CEMIP: variants seen among roughly 807,000 people sequenced by gnomAD.
The protein encoded by CEMIP is cell migration-inducing and hyaluronan-binding protein.
A neutral mutation model predicts 156.9 loss-of-function variants in CEMIP; 105 were observed. The observed-to-expected ratio is 0.67, with a 90% confidence interval of 0.57 to 0.79. The LOEUF (loss-of-function observed/expected upper bound fraction) is 0.79, where lower values mean the gene tolerates loss of function less well. Ranked by LOEUF, CEMIP falls within the 30% of genes least tolerant of loss-of-function variation. CEMIP has a pLI of 0.00. For missense variants in CEMIP, 1,457 were observed against 1,769.4 expected (o/e 0.82, Z 3.17); for synonymous variants, 676 against 668.4 (o/e 1.01, Z -0.17).
chr15:80,799,540 T>C (rs1193456425), intron 1 of CEMIP, among the ~76,000 whole-genome samples: 2 of 152,332 alleles, frequency 1.3e-5, no homozygotes, highest in East Asian at 3.9e-4. Context: ...GGAATAGAAC[T>C]ACCCTGCACA....
At chr15:80,810,488 CT>C (rs1896636574) in intron 1 of CEMIP, among the ~76,000 whole-genome samples, 1 of 152,226 alleles carries the variant, frequency 6.6e-6, no homozygotes, top group African/African-American at 2.4e-5. Context: ...TTGCCTTAGC[CT>C]CCCGAGTAGC....
chr15:80,813,841 G>A (rs1326149282), intron 1 of CEMIP, among the ~76,000 whole-genome samples: 2 of 152,068 alleles, frequency 1.3e-5, no homozygotes, highest in African/African-American at 4.8e-5. Flanking sequence ...ATCAATTACT[G>A]CTATCTTTCT....
rs773031976 is a variant in CEMIP, at chr15:80,942,323, T to G, written c.3685T>G (p.Phe1229Val). Residue 1229 changes from phenylalanine to valine, a missense_variant, in exon 27 of 30, where the codon TTC (phenylalanine) becomes GTC (valine). Phe to Val is a conservative substitution (Grantham distance 50). This residue lies in a region of CEMIP where 798 missense variants were observed against 980.1 expected (regional missense o/e 0.81). Coordinates refer to ENST00000394685, the MANE Select transcript of CEMIP (RefSeq NM_001293298.2). Reference protein sequence around the residue: ...KQHFFHLWNDFAYIEVDGKKY... With the variant: ...KQHFFHLWNDVAYIEVDGKKY... ...GCACTTCTTCCACCTCTGGAACGAC[T>G]TCGCTTACATTGAAGTAAGTGCCTC... 6.2e-7 allele frequency: 1 copy of G among 1,613,982 alleles called. No individual in the cohort carries two copies. Among genetic ancestry groups the G allele is most frequent in the Non-Finnish European group, 8.5e-7 (1 of 1,179,804 alleles).
intron 1 of CEMIP, among the ~76,000 whole-genome samples, chr15:80,838,217 C>T (rs1897308674): frequency 6.6e-6 from 1 of 152,130 alleles, no homozygotes; most frequent in South Asian, 2.1e-4. Flanking sequence ...ACGAGTCATT[C>T]ATAGGGACTC....
At chr15:80,857,220 C>T (rs913667833) in intron 1 of CEMIP, among the ~76,000 whole-genome samples, 7 of 152,302 alleles carry the variant, frequency 4.6e-5, no homozygotes, top group South Asian at 2.1e-4. Flanking sequence ...AACAGGAGCC[C>T]GGGAGGAAGG....
At chr15:80,845,848 G>A (rs1431870541) in intron 1 of CEMIP, among the ~76,000 whole-genome samples, 1 of 152,150 alleles carries the variant, frequency 6.6e-6, no homozygotes, top group African/African-American at 2.4e-5. Flanking sequence ...GGAGTGTCAC[G>A]AAAAGACACA....
chr15:80,945,644 G>A (rs74861765), intron 28 of CEMIP, among the ~76,000 whole-genome samples: 2,487 of 152,194 alleles, frequency 0.016, 70 homozygotes, highest in African/African-American at 0.054. Context: ...GATCTTTCCC[G>A]CTGTTCCCAG....
Position 80,929,095 on chromosome 15 carries a change from G to A in CEMIP, c.2533G>A (p.Val845Met), listed in dbSNP as rs1381076537. ...CTTGTTTGTTGGCGAGAGTGGCAACGTGGGGACGGAAATGATGGACAATAG... is the reference window on the plus strand; with the variant it reads ...CTTGTTTGTTGGCGAGAGTGGCAACATGGGGACGGAAATGATGGACAATAG... ...NSLFVGESGNVGTEMMDNRIW... is the reference protein window; with the variant it reads ...NSLFVGESGNMGTEMMDNRIW... Residue 845 changes from valine (V) to methionine (M), a missense_variant, in exon 21 of 30, where the codon GTG becomes ATG. Coordinates refer to ENST00000394685, the MANE Select transcript of CEMIP (RefSeq NM_001293298.2). 6.2e-6 allele frequency: 10 copies of A among 1,614,092 alleles called. No homozygotes were observed. Among genetic ancestry groups the A allele is most frequent in the Admixed American group, 3.3e-5 (2 of 59,996 alleles).
At chr15:80,800,019 T>TTGTGTGTGTGTG (rs1428935403) in intron 1 of CEMIP, among the ~76,000 whole-genome samples, 1 of 55,146 alleles carries the variant, frequency 1.8e-5, no homozygotes, top group African/African-American at 8.3e-5. Flanking sequence ...CCAGCTAATT[T>TTGTGTGTGTGTG]TATGTGTGTG....
intron 12 of CEMIP, among the ~76,000 whole-genome samples, chr15:80,896,639 T>C (rs899610748): frequency 3.9e-5 from 6 of 152,240 alleles, no homozygotes; most frequent in Non-Finnish European, 5.9e-5. Flanking sequence ...TTTATGTTAT[T>C]GGAGGTTACT....
rs79904954 is a variant in CEMIP at position 80,824,585 on chromosome 15, A to G, written c.-176+44971A>G. 7.8e-3 allele frequency among the ~76,000 whole-genome samples: 1,195 copies of G among 152,248 alleles called. 16 individuals carry two copies. Among genetic ancestry groups the G allele is most frequent in the African/African-American group, 0.026 (1,081 of 41,546 alleles). ...CCATGTCCCCAGCCACTACACCTCA[A>G]TTCAACACATTTGGATATTCTGGCC... On this transcript the variant is annotated intron_variant, in intron 1 of 29. Transcript: ENST00000394685.
chr15:80,796,513 C>A (rs1896229683), intron 1 of CEMIP, among the ~76,000 whole-genome samples: 1 of 152,180 alleles, frequency 6.6e-6, no homozygotes, highest in African/African-American at 2.4e-5. Flanking sequence ...GGATGAAATG[C>A]TCTTATTACA....
chr15:80,900,450 C>T (rs868510229), intron 12 of CEMIP, among the ~76,000 whole-genome samples: 3 of 152,222 alleles, frequency 2.0e-5, no homozygotes, highest in Admixed American at 1.3e-4. Context: ...CCGCGTTAGC[C>T]CCACCCCAGC....
intron 28 of CEMIP, chr15:80,946,519 C>T (rs955941043): frequency 5.4e-6 from 1 of 186,706 alleles, no homozygotes; most frequent in African/African-American, 2.3e-5. Context: ...TCCCGCACCT[C>T]CTCTCTTTCT....
intron 1 of CEMIP, among the ~76,000 whole-genome samples, chr15:80,834,957 T>TA (rs1233793207): frequency 5.9e-5 from 9 of 152,188 alleles, no homozygotes; most frequent in South Asian, 2.1e-4. Flanking sequence ...TTTTTTGCTT[T>TA]AAAAAAAAGA....
intron 7 of CEMIP, 88 bp downstream of exon 7, chr15:80,884,442 C>A (rs1249805157): frequency 7.4e-7 from 1 of 1,350,944 alleles, no homozygotes; most frequent in Non-Finnish European, 1.1e-6. Context: ...CATCTCCTCT[C>A]CCCACAGCCG....
chr15:80,916,883 A>G (rs1462720982), intron 14 of CEMIP, among the ~76,000 whole-genome samples: 1 of 152,196 alleles, frequency 6.6e-6, no homozygotes, highest in Non-Finnish European at 1.5e-5. Flanking sequence ...TAATGAGAAG[A>G]AAGAAATGCA....
In CEMIP at chr15:80,895,909, C is replaced by T; in HGVS notation, c.1260C>T (p.Asn420=). The T allele has an allele frequency of 6.2e-7, 1 of 1,614,152 alleles. No homozygotes were observed. Among genetic ancestry groups the T allele is most frequent in the Non-Finnish European group, 8.5e-7 (1 of 1,180,014 alleles). The change falls in exon 12 of 30, where the codon AAC becomes AAT. Residue 420 remains asparagine, a synonymous_variant. Transcript: ENST00000394685. ...KLTVTIDTNV[N]STILNLEDNV... ...CAGTCACCATTGACACCAATGTGAACAGCACCATTCTGAACTTGGAGGATA... is the reference window on the plus strand; with the variant it reads ...CAGTCACCATTGACACCAATGTGAATAGCACCATTCTGAACTTGGAGGATA...
At position 80,932,135 on chromosome 15, in the gene CEMIP, C is replaced by T. The variant is rs1405214480; in HGVS notation, c.2793+96C>T. 1 of 1,421,458 alleles carries T rather than the reference C, an allele frequency of 7.0e-7. No homozygotes were observed. The highest frequency in any genetic ancestry group is 1.4e-5 in the African/African-American group (1 of 71,410). The allele number at this position is 1,421,458 out of a possible 1,614,324, so 88.1% of individuals were successfully genotyped here. The stretch of plus-strand genomic sequence containing the variant: ...CCCAGAGTTTGAGCTATTGCCACCA[C>T]CGCAGGGGTTGAGAAGCCTCCTCCA... On this transcript the variant is annotated intron_variant, in intron 22 of 29. Coordinates refer to ENST00000394685, the MANE Select transcript of CEMIP (RefSeq NM_001293298.2). The surrounding 1 kb of genome is among the most constrained non-coding windows in gnomAD (Gnocchi z 4.5).
Sources: allele counts gnomAD v4.1 joint callset (sites outside exome capture counted in the v4.1 genomes callset), GRCh38; gene constraint gnomAD v4.1.1; regional missense constraint gnomAD v4.1.1; non-coding constraint Gnocchi (gnomAD v3.1); transcripts MANE v1.5; gene names NCBI Gene and HGNC (gene_info 2026-07-23, HGNC 2026-07-21).